Variants in PCNX2 observed in about 807,000 individuals in gnomAD.
PCNX2 encodes pecanex 2, also known as pecanex-like protein 2.
In PCNX2, 168 loss-of-function variants were observed where a neutral mutation model predicts 223.8. That is an observed-to-expected ratio of 0.75 (90% confidence interval 0.66 to 0.85). The LOEUF (loss-of-function observed/expected upper bound fraction) is 0.85, where lower values mean the gene tolerates loss of function less well. Ranked by LOEUF, PCNX2 falls within the 40% of genes least tolerant of loss-of-function variation. The pLI, the probability that PCNX2 is intolerant of heterozygous loss-of-function variation, is 0.00. For missense variants in PCNX2, 2,507 were observed against 2,675.5 expected (o/e 0.94, Z 1.39); for synonymous variants, 1,006 against 1,052.6 (o/e 0.96, Z 0.86).
chr1:233,083,377 G>C (rs1212469596), intron 23 of PCNX2, among the ~76,000 whole-genome samples: 1 of 152,140 alleles, frequency 6.6e-6, no homozygotes, highest in African/African-American at 2.4e-5. Flanking sequence ...TGTGTCAGCA[G>C]GGGTATCCAG....
upstream of PCNX2, among the ~76,000 whole-genome samples, chr1:233,298,334 GGTT>G (rs753280488): frequency 6.0e-4 from 92 of 152,314 alleles, no homozygotes; most frequent in Non-Finnish European, 1.0e-3. Flanking sequence ...CAAGTACAAA[GGTT>G]GTTATTAGGA....
At chr1:233,174,243 TTA>T (rs1039121681) in intron 17 of PCNX2, among the ~76,000 whole-genome samples, 1 of 137,538 alleles carries the variant, frequency 7.3e-6, no homozygotes, top group African/African-American at 2.6e-5. Context: ...AATTTATATT[TTA>T]TATAAATTAT....
At position 233,017,244 on chromosome 1, in the gene PCNX2, ACATGTGGTAT is replaced by A. The variant is rs898227337; in HGVS notation, c.4606-100_4606-91del. ...GGAAAGTAAGAGGCATGAAATCCCT[ACATGTGGTAT>A]CATTTGTATGTTCTGCTGGGTGTAA... On this transcript the variant is annotated intron_variant, in intron 26 of 33. Transcript: ENST00000258229. 5.9e-5 allele frequency: 57 copies of A among 964,720 alleles called. No individual in the cohort carries two copies. The East Asian group carries it at 1.5e-3, about 26-fold the overall frequency. The allele number at this position is 964,720 out of a possible 1,614,324, so 59.8% of individuals were successfully genotyped here. A position where few individuals can be genotyped will look rare whatever the true frequency, so the allele number is the denominator to read the frequency against.
intron 32 of PCNX2, among the ~76,000 whole-genome samples, chr1:232,996,922 C>T (rs1669893168): frequency 6.6e-6 from 1 of 152,220 alleles, no homozygotes; most frequent in South Asian, 2.1e-4. Context: ...ACTCCTTCTT[C>T]AACTCTATGT....
chr1:233,198,974 CG>C lies in PCNX2; in HGVS notation c.3030del (p.Ala1011ProfsTer11). On this transcript the variant is annotated frameshift_variant, in exon 15 of 34. Coordinates refer to ENST00000258229, the MANE Select transcript of PCNX2 (RefSeq NM_014801.4). LOFTEE classifies it high-confidence loss of function. ...VYSVARSVLA[A>X]ALLHAVCFSA... ...CTGAAGCAGACTGCGTGGAGCAGGGCGGCAGCCAAGACGCTCCGGGCCACAC... is the reference window on the plus strand; with the variant it reads ...CTGAAGCAGACTGCGTGGAGCAGGGCGCAGCCAAGACGCTCCGGGCCACAC... 1 of 1,605,738 alleles carries C rather than the reference CG, an allele frequency of 6.2e-7. No individual in the cohort carries two copies. Among genetic ancestry groups the C allele is most frequent in the Non-Finnish European group, 8.5e-7 (1 of 1,176,680 alleles).
intron 4 of PCNX2, chr1:233,259,876 A>T: frequency 1.1e-6 from 1 of 871,026 alleles, no homozygotes; most frequent in South Asian, 5.3e-5. Context: ...CAACAATAAA[A>T]ATAAAACAAA....
At chr1:233,029,575 G>T (rs1461505614) in intron 25 of PCNX2, among the ~76,000 whole-genome samples, 1 of 151,850 alleles carries the variant, frequency 6.6e-6, no homozygotes, top group East Asian at 1.9e-4. Flanking sequence ...TATAGTGCAG[G>T]TCAGTTGGTG....
intron 25 of PCNX2, among the ~76,000 whole-genome samples, chr1:233,045,264 G>A (rs1671786876): frequency 6.6e-6 from 1 of 152,158 alleles, no homozygotes; most frequent in South Asian, 2.1e-4. Flanking sequence ...CAATCATTGG[G>A]AAGATTGTTA....
Position 233,177,843 on chromosome 1 carries a change from ACT to A in PCNX2, c.3230_3231del (p.Glu1077ValfsTer4). 6.2e-7 allele frequency: 1 copy of A among 1,613,888 alleles called. No individual in the cohort carries two copies. Among genetic ancestry groups the A allele is most frequent in the Non-Finnish European group, 8.5e-7 (1 of 1,179,850 alleles). Reference sequence around the variant, plus strand: ...TTCTTGGGGAGAGGGTCAGCAGCTGACTCTGCCAGATTTTGATGTAAAAATTT... The same window carrying A: ...TTCTTGGGGAGAGGGTCAGCAGCTGACTGCCAGATTTTGATGTAAAAATTT... ...FPKFLHQNLAESAADPLPKKM... is the reference protein window; with the variant it reads ...FPKFLHQNLAXSAADPLPKKM... On this transcript the variant is annotated frameshift_variant, in exon 17 of 34. Coordinates refer to ENST00000258229, the MANE Select transcript of PCNX2 (RefSeq NM_014801.4). LOFTEE classifies it high-confidence loss of function.
chr1:233,021,667 A>G (rs1284034910), intron 26 of PCNX2, among the ~76,000 whole-genome samples: 1 of 152,112 alleles, frequency 6.6e-6, no homozygotes, highest in Non-Finnish European at 1.5e-5. Flanking sequence ...ACACCCATGC[A>G]CTGCCTGCCT....
Position 233,253,598 on chromosome 1 carries a change from A to G in PCNX2, c.1835-810T>C, listed in dbSNP as rs993443873. Reference sequence around the variant, plus strand: ...TGTCCTCAAGTGATCCTCCCACCTCAGCCTCCTGAAGTACTGGGATTACAG... The same window carrying G: ...TGTCCTCAAGTGATCCTCCCACCTCGGCCTCCTGAAGTACTGGGATTACAG... On this transcript the variant is annotated intron_variant, in intron 5 of 33. Coordinates refer to ENST00000258229, the MANE Select transcript of PCNX2 (RefSeq NM_014801.4). The surrounding 1 kb of genome is among the most constrained non-coding windows in gnomAD (Gnocchi z 4.2). 3.3e-5 allele frequency among the ~76,000 whole-genome samples: 5 copies of G among 152,186 alleles called. No individual in the cohort carries two copies. The highest frequency in any genetic ancestry group is 9.6e-5 in the African/African-American group (4 of 41,452).
intron 8 of PCNX2, among the ~76,000 whole-genome samples, chr1:233,245,873 G>A (rs1171749304): frequency 2.6e-5 from 4 of 152,108 alleles, no homozygotes; most frequent in African/African-American, 7.2e-5. Context: ...CCCAGATCGC[G>A]CCACTGCACT....
At chr1:233,061,475 G>A (rs1479678792) in intron 23 of PCNX2, among the ~76,000 whole-genome samples, 1 of 152,158 alleles carries the variant, frequency 6.6e-6, no homozygotes, top group Non-Finnish European at 1.5e-5. Context: ...CACTGCCTCG[G>A]ATCAGCGCCT....
intron 26 of PCNX2, among the ~76,000 whole-genome samples, chr1:233,024,612 A>G (rs929067666): frequency 1.4e-4 from 22 of 152,224 alleles, no homozygotes; most frequent in African/African-American, 5.3e-4. Context: ...GGTTGAATAC[A>G]ATTGGGCAGA....
the PCNX2 span, among the ~76,000 whole-genome samples, chr1:233,307,048 G>A: frequency 1.6e-4 from 25 of 152,254 alleles, no homozygotes; most frequent in Non-Finnish European, 3.5e-4. Flanking sequence ...ATAAAAAATA[G>A]ATAAAGAAAT....
At chr1:233,262,308 A>T in intron 2 of PCNX2, 143 bp from the exon 3 acceptor site, 1 of 1,067,364 alleles carries the variant, frequency 9.4e-7, no homozygotes, top group Non-Finnish European at 1.3e-6. Flanking sequence ...TGTTGTTGTT[A>T]AGAGACAGGG....
intron 15 of PCNX2, among the ~76,000 whole-genome samples, chr1:233,184,950 C>G (rs1233328021): frequency 6.6e-6 from 1 of 151,824 alleles, no homozygotes; most frequent in African/African-American, 2.4e-5. Flanking sequence ...AAAAAAAAAA[C>G]TGACCTTCCC....
chr1:233,202,101 G>A lies in PCNX2; in HGVS notation c.2864-1837C>T, dbSNP rs769765786. The A allele has an allele frequency of 9.0e-6, 4 of 446,290 alleles. 1 individual carries two copies. Among genetic ancestry groups the A allele is most frequent in the South Asian group, 6.8e-5 (4 of 59,238 alleles). The allele number at this position is 446,290 out of a possible 1,614,324, so 27.6% of individuals were successfully genotyped here. A position where few individuals can be genotyped will look rare whatever the true frequency, so the allele number is the denominator to read the frequency against. On this transcript the variant is annotated intron_variant, in intron 13 of 33. Coordinates refer to ENST00000258229, the MANE Select transcript of PCNX2 (RefSeq NM_014801.4). Reference sequence around the variant, plus strand: ...AAGAGGGAGTCCATGTGTCTCATCTGTCAGGTTGCAGTGAACGTGAAGGAA... The same window carrying A: ...AAGAGGGAGTCCATGTGTCTCATCTATCAGGTTGCAGTGAACGTGAAGGAA...
chr1:233,084,836 A>C (rs539656420), intron 23 of PCNX2, among the ~76,000 whole-genome samples: 118 of 152,340 alleles, frequency 7.7e-4, no homozygotes, highest in Non-Finnish European at 1.5e-3. Context: ...TATAAACACA[A>C]AGCACTATTA....
Sources: gnomAD v4.1 joint callset for allele counts (sites outside exome capture counted in the v4.1 genomes callset) on GRCh38, gnomAD v4.1.1 for gene constraint, Gnocchi (gnomAD v3.1) non-coding constraint, MANE v1.5 for transcripts, NCBI Gene and HGNC (gene_info 2026-07-23, HGNC 2026-07-21) for gene names.